KIAA1217: variants seen among roughly 807,000 people sequenced by gnomAD.
KIAA1217 encodes KIAA1217.
KIAA1217 carries 88 observed loss-of-function variants against 163.9 expected under a neutral mutation model. That is an observed-to-expected ratio of 0.54 (90% CI 0.45 to 0.64). The LOEUF (loss-of-function observed/expected upper bound fraction) is 0.64. Ranked by LOEUF, KIAA1217 falls within the 30% of genes least tolerant of loss-of-function variation. The pLI is 0.00. For missense variants in KIAA1217, 2,372 were observed against 2,475.0 expected, an observed-to-expected ratio of 0.96 and a Z score of 0.88; for synonymous variants, 903 against 923.1, an observed-to-expected ratio of 0.98 and a Z score of 0.39.
At chr10:24,531,169 C>T (rs2073060664) in intron 14 of KIAA1217, among the ~76,000 whole-genome samples, 1 of 152,148 alleles carries the variant, frequency 6.6e-6, no homozygotes, top group Non-Finnish European at 1.5e-5. Context: ...CACACCACTG[C>T]ATTCCAGAGT....
chr10:24,466,549 C>G (rs1486470474), intron 5 of KIAA1217: 1 of 985,196 alleles, frequency 1.0e-6, no homozygotes, highest in Admixed American at 6.2e-5. Context: ...GTCAGCTTCT[C>G]TCCGAAAACT....
chr10:23,981,241 A>G (rs1328220966), intron 1 of KIAA1217, among the ~76,000 whole-genome samples: 22 of 152,218 alleles, frequency 1.4e-4, no homozygotes, highest in Admixed American at 1.4e-3. Flanking sequence ...TAATTTAGGT[A>G]TTCATTTGAA....
intron 2 of KIAA1217, among the ~76,000 whole-genome samples, chr10:24,263,614 C>T (rs1012690721): frequency 1.3e-5 from 2 of 152,156 alleles, no homozygotes; most frequent in Non-Finnish European, 1.5e-5. Flanking sequence ...CTCCCATATG[C>T]GTTCTGGGAG....
upstream of KIAA1217, chr10:24,209,032 C>G (rs1024574066): frequency 2.1e-5 from 13 of 612,020 alleles, no homozygotes; most frequent in Non-Finnish European, 3.7e-5. Flanking sequence ...TTTTCTCGGG[C>G]GAGGGAGACT....
At chr10:24,418,049 G>A (rs1487048975) in intron 3 of KIAA1217, among the ~76,000 whole-genome samples, 5 of 151,542 alleles carry the variant, frequency 3.3e-5, no homozygotes, top group Non-Finnish European at 7.4e-5. Context: ...CTGGGCTCCC[G>A]GGTCCTCCTG....
At chr10:24,350,809 C>T (rs1453346609) in intron 2 of KIAA1217, among the ~76,000 whole-genome samples, 17 of 142,396 alleles carry the variant, frequency 1.2e-4, no homozygotes, top group African/African-American at 4.3e-4. Flanking sequence ...ATACACAGTG[C>T]GAGGAAGTGG....
At chr10:23,978,411 T>C (rs1177543018) in intron 1 of KIAA1217, among the ~76,000 whole-genome samples, 4 of 152,102 alleles carry the variant, frequency 2.6e-5, no homozygotes, top group East Asian at 3.9e-4. Context: ...ACAAGGAAAA[T>C]GTGTGGGTGT....
intron 3 of KIAA1217, among the ~76,000 whole-genome samples, chr10:24,402,344 A>G (rs2056627652): frequency 6.6e-6 from 1 of 151,696 alleles, no homozygotes; most frequent in South Asian, 2.1e-4. Flanking sequence ...GTCTCTACTA[A>G]AAAATACACA....
chr10:24,008,855 T>A (rs923633579), intron 2 of KIAA1217, among the ~76,000 whole-genome samples: 1 of 152,118 alleles, frequency 6.6e-6, no homozygotes, highest in African/African-American at 2.4e-5. Flanking sequence ...ATGATGTGTG[T>A]ATTTGAATCT....
At chr10:24,421,114 T>A (rs1190372847) in intron 3 of KIAA1217, among the ~76,000 whole-genome samples, 1 of 152,196 alleles carries the variant, frequency 6.6e-6, no homozygotes, top group Admixed American at 6.5e-5. Context: ...TAAGCAATTC[T>A]CCTGCCTCAG....
intron 1 of KIAA1217, among the ~76,000 whole-genome samples, chr10:23,994,538 G>GT (rs11463064): frequency 0.11 from 16,541 of 152,174 alleles, 2,141 homozygotes; most frequent in African/African-American, 0.31. Context: ...GTCAAGGAGA[G>GT]TTTTAACTTT....
At chr10:23,761,035 A>T (rs943231961) in intron 1 of KIAA1217, among the ~76,000 whole-genome samples, 1 of 152,120 alleles carries the variant, frequency 6.6e-6, no homozygotes, top group African/African-American at 2.4e-5. Flanking sequence ...GGATCACTTG[A>T]GGCCAGGAGT....
intron 1 of KIAA1217, among the ~76,000 whole-genome samples, chr10:23,923,240 G>A (rs935563731): frequency 1.3e-5 from 2 of 152,146 alleles, no homozygotes; most frequent in South Asian, 2.1e-4. Context: ...AACGGTCACC[G>A]GTTCCATCCA....
chr10:23,768,868 A>G (rs1834665922), intron 1 of KIAA1217, among the ~76,000 whole-genome samples: 2 of 152,136 alleles, frequency 1.3e-5, no homozygotes, highest in Non-Finnish European at 2.9e-5. Flanking sequence ...AGCTGCCCAG[A>G]TCCACAAGGA....
chr10:24,017,415 A>T (rs1439937414), intron 2 of KIAA1217, among the ~76,000 whole-genome samples: 1 of 152,030 alleles, frequency 6.6e-6, no homozygotes, highest in Non-Finnish European at 1.5e-5. Context: ...ATGTAAGGGG[A>T]CTATAAAAAA....
At chr10:23,712,937 T>C (rs1241830045) in intron 1 of KIAA1217, among the ~76,000 whole-genome samples, 1 of 152,180 alleles carries the variant, frequency 6.6e-6, no homozygotes, top group East Asian at 1.9e-4. Flanking sequence ...TTGCTTCTGG[T>C]ATACCTGAAG....
chr10:24,528,747 A>G (rs926474596), intron 14 of KIAA1217, among the ~76,000 whole-genome samples: 1 of 152,118 alleles, frequency 6.6e-6, no homozygotes, highest in Non-Finnish European at 1.5e-5. Flanking sequence ...TGCATTTGTG[A>G]TACTTCACAG....
chr10:23,979,874 G>A (rs1293360348), intron 1 of KIAA1217, among the ~76,000 whole-genome samples: 3 of 151,446 alleles, frequency 2.0e-5, no homozygotes, highest in Admixed American at 2.0e-4. Context: ...TCTAATTTTT[G>A]TTCCTTATTT....
At chr10:23,805,942 G>A (rs1588857582) in intron 1 of KIAA1217, among the ~76,000 whole-genome samples, 1 of 140,246 alleles carries the variant, frequency 7.1e-6, no homozygotes, top group East Asian at 2.1e-4. Flanking sequence ...CTTGATACTG[G>A]GAGGCGGAGT....
Sources: allele counts gnomAD v4.1 joint callset (sites outside exome capture counted in the v4.1 genomes callset), GRCh38; gene constraint gnomAD v4.1.1; transcripts MANE v1.5; gene names NCBI Gene and HGNC (gene_info 2026-07-23, HGNC 2026-07-21).